ROS1: variants seen among roughly 807,000 people sequenced by gnomAD.
The protein encoded by ROS1 is proto-oncogene tyrosine-protein kinase ROS.
Under a neutral mutation model 273.5 loss-of-function variants are expected in ROS1, and 263 were observed. The ratio of observed to expected loss-of-function variants is 0.96; its 90% CI spans 0.87 to 1.06. The LOEUF is 1.06. Ranked by LOEUF, ROS1 falls within the 50% of genes least tolerant of loss-of-function variation. The probability of loss-of-function intolerance (pLI) is 0.00; values close to 1 mark genes in which losing one functional copy is unlikely to be tolerated. For synonymous variants in ROS1, 1,008 were observed against 954.1 expected (o/e 1.06, Z -1.04); for missense variants, 2,833 against 2,751.1 (o/e 1.03, Z -0.67).
rs2128644343 is a variant in ROS1 at position 117,356,864 on chromosome 6, G to A, written c.3891C>T (p.Tyr1297=). The change falls in exon 26 of 44, where the codon TAC becomes TAT. Residue 1297 remains tyrosine, a synonymous_variant. Coordinates refer to ENST00000368507, the MANE Select transcript of ROS1 (RefSeq NM_001378902.1). ...GGTGCAAGGTGTGACTGATAATACT[G>A]TAGTAGAACATCTGGTAGCCAAAAT... The part of the protein sequence containing the change: ...VSNFGYQMFY[Y]SIISHTLHRI... The A allele has an allele frequency of 6.2e-7, 1 of 1,613,844 alleles. No individual in the cohort carries two copies. Among genetic ancestry groups the A allele is most frequent in the Non-Finnish European group, 8.5e-7 (1 of 1,179,890 alleles).
In ROS1 at chr6:117,352,764, A is replaced by G. The variant is rs190223474; in HGVS notation, c.4303+226T>C. Among the ~76,000 whole-genome samples the G allele has an allele frequency of 4.4e-3, 669 of 152,314 alleles. 10 individuals are homozygous for G. The highest frequency in any genetic ancestry group is 0.015 in the African/African-American group (614 of 41,554). On this transcript the variant is annotated intron_variant, in intron 27 of 43. Transcript: ENST00000368507. Reference sequence around the variant, plus strand: ...GAGAACAACAGGACGCAGGTTTCCCATGTCTAAAGTTGCCCACCACACCCT... The same window carrying G: ...GAGAACAACAGGACGCAGGTTTCCCGTGTCTAAAGTTGCCCACCACACCCT...
chr6:117,393,408 C>T, intron 11 of ROS1, 87 bp from the exon 12 acceptor site: 1 of 900,056 alleles, frequency 1.1e-6, no homozygotes, highest in South Asian at 1.5e-5. Context: ...AGTATCTGTT[C>T]TGTTGGAATT....
chr6:117,379,032 C>T (rs1771895230), intron 18 of ROS1, 27 bp downstream of exon 18: 1 of 1,336,724 alleles, frequency 7.5e-7, no homozygotes, highest in African/African-American at 1.5e-5. Flanking sequence ...TCTTCTCAAT[C>T]AATTGCCTTT....
intron 4 of ROS1, among the ~76,000 whole-genome samples, chr6:117,412,206 A>G (rs1307792716): frequency 3.3e-5 from 5 of 152,182 alleles, no homozygotes; most frequent in Non-Finnish European, 7.3e-5. Context: ...AATTTTTTCC[A>G]AAGAGCAGTA....
intron 18 of ROS1, among the ~76,000 whole-genome samples, chr6:117,370,720 T>TA (rs1031201334): frequency 2.0e-5 from 3 of 152,082 alleles, no homozygotes; most frequent in South Asian, 2.1e-4. Flanking sequence ...ATGTATCATG[T>TA]AAAAAAATGC....
intron 27 of ROS1, among the ~76,000 whole-genome samples, chr6:117,349,214 T>C (rs1422921725): frequency 6.6e-6 from 1 of 151,986 alleles, no homozygotes; most frequent in Non-Finnish European, 1.5e-5. Flanking sequence ...ATCTGTTTCT[T>C]GCAGTTCTAT....
At chr6:117,292,197 T>C (rs922026137) in intron 43 of ROS1, among the ~76,000 whole-genome samples, 3 of 151,970 alleles carry the variant, frequency 2.0e-5, no homozygotes, top group East Asian at 1.9e-4. Flanking sequence ...GTCTCGATCT[T>C]CTGACCTTGT....
intron 43 of ROS1, among the ~76,000 whole-genome samples, chr6:117,295,657 G>A (rs1031651002): frequency 6.6e-6 from 1 of 152,058 alleles, no homozygotes; most frequent in Admixed American, 6.5e-5. Context: ...AAAGCTAATA[G>A]TCTGATCAAA....
At chr6:117,309,993 T>C (rs1582577667) in intron 41 of ROS1, 88 bp downstream of exon 41, 1 of 1,196,890 alleles carries the variant, frequency 8.4e-7, no homozygotes, top group Non-Finnish European at 1.2e-6. Flanking sequence ...TTTTCTCACA[T>C]TAAAAAAGCA....
chr6:117,300,960 A>C lies in ROS1; in HGVS notation c.6715+14T>G. 6.5e-7 allele frequency: 1 copy of C among 1,535,980 alleles called. No homozygotes were observed. Among genetic ancestry groups the C allele is most frequent in the Non-Finnish European group, 8.7e-7 (1 of 1,146,720 alleles). On this transcript the variant is annotated intron_variant, in intron 43 of 43. Coordinates refer to ENST00000368507, the MANE Select transcript of ROS1 (RefSeq NM_001378902.1). ...TGCAGCGAAAACTAGAAAATTCTGA[A>C]GAATCAAACTTACCTTCAAAGCTTT...
rs1257476298 is a variant in ROS1, at chr6:117,414,397, AG to A, written c.255+121del. ...GTATACTCAGAGTAATAACACTTTG[AG>A]GAAGAATGTCTCAGTGCACTGAGAA... On this transcript the variant is annotated intron_variant, in intron 4 of 43. Coordinates refer to ENST00000368507, the MANE Select transcript of ROS1 (RefSeq NM_001378902.1). 4.5e-6 allele frequency: 3 copies of A among 669,508 alleles called. No individual in the cohort carries two copies. In the South Asian group the frequency reaches 5.3e-5, roughly 12 times the overall value. The allele number at this position is 669,508 out of a possible 1,614,324, so 41.5% of individuals were successfully genotyped here.
chr6:117,401,417 G>A (rs906601847), intron 7 of ROS1, among the ~76,000 whole-genome samples: 1 of 152,162 alleles, frequency 6.6e-6, no homozygotes, highest in Non-Finnish European at 1.5e-5. Context: ...CCAAGTCTCT[G>A]GCTATGTGTC....
chr6:117,379,556 A>G (rs1177867224), intron 17 of ROS1, among the ~76,000 whole-genome samples: 4 of 152,178 alleles, frequency 2.6e-5, no homozygotes, highest in South Asian at 4.1e-4. Flanking sequence ...GGTAGTGGTA[A>G]CTCTGGCCTA....
Position 117,404,423 on chromosome 6 carries a change from C to T in ROS1, c.322G>A (p.Ala108Thr). The T allele has an allele frequency of 6.2e-7, 1 of 1,612,162 alleles. No homozygotes were observed. Among genetic ancestry groups the T allele is most frequent in the Non-Finnish European group, 8.5e-7 (1 of 1,179,198 alleles). The change falls in exon 6 of 44, where the codon GCA becomes ACA. Residue 108 changes from alanine (A) to threonine (T), a missense_variant. Transcript: ENST00000368507. ...GCAAAGGGAGCAGTTGGTAGGTCTG[C>T]ATTTTCTGGGGAAAAAACAAGATTT... Reference protein sequence around the residue: ...GAYEEEVLENADLPTAPFASS... With the variant: ...GAYEEEVLENTDLPTAPFASS...
chr6:117,320,395 T>G (rs914707366), intron 36 of ROS1, among the ~76,000 whole-genome samples: 4 of 152,284 alleles, frequency 2.6e-5, no homozygotes, highest in Middle Eastern at 3.4e-3. Flanking sequence ...TAGTAATAAA[T>G]GCATCTGGGT....
intron 27 of ROS1, 133 bp from the exon 28 acceptor site, chr6:117,344,395 T>C (rs1778205952): frequency 1.6e-6 from 1 of 638,654 alleles, no homozygotes; most frequent in African/African-American, 1.8e-5. Flanking sequence ...CTTGAAAACA[T>C]AAATATGAAA....
chr6:117,410,506 C>T (rs1048075953), intron 4 of ROS1, among the ~76,000 whole-genome samples: 3 of 152,040 alleles, frequency 2.0e-5, no homozygotes, highest in African/African-American at 7.2e-5. Flanking sequence ...TAATGAAAAA[C>T]ACAGTACATA....
rs1773596532 is a variant in ROS1 at position 117,288,605 on chromosome 6, C to T, written c.6913G>A (p.Ala2305Thr). The change falls in exon 44 of 44, where the codon GCA becomes ACA. Residue 2305 changes from alanine to threonine, a missense_variant. Ala to Thr is a moderately conservative substitution (Grantham distance 58). Transcript: ENST00000368507. ...GLRKEEKEPH[A>T]DKDFCQEKQV... ...TTTTCTTGGCAGAAATCTTTGTCTG[C>T]ATGTGGTTCCTTCTCTTCTTTCCTC... is the stretch of plus-strand genomic sequence containing the variant. 3.7e-6 allele frequency: 6 copies of T among 1,614,134 alleles called. No homozygotes were observed. Among genetic ancestry groups the T allele is most frequent in the East Asian group, 4.5e-5 (2 of 44,870 alleles).
chr6:117,304,229 T>C (rs1267126470), intron 42 of ROS1, among the ~76,000 whole-genome samples: 1 of 152,208 alleles, frequency 6.6e-6, no homozygotes, highest in Admixed American at 6.5e-5. Context: ...ATGGGGATGA[T>C]ACAAAGATGT....
Sources: gnomAD v4.1 joint callset for allele counts (sites outside exome capture counted in the v4.1 genomes callset) on GRCh38, gnomAD v4.1.1 for gene constraint, MANE v1.5 for transcripts, NCBI Gene and HGNC (gene_info 2026-07-23, HGNC 2026-07-21) for gene names.